Variants in ADD3 observed in about 807,000 individuals in gnomAD.
ADD3 encodes gamma-adducin.
ADD3 carries 25 observed loss-of-function variants against 80.2 expected under a neutral mutation model. The observed-to-expected ratio is 0.31, with a 90% CI of 0.23 to 0.44. The LOEUF (loss-of-function observed/expected upper bound fraction) is 0.44, where lower values mean the gene tolerates loss of function less well. Among genes scored for constraint, ADD3 ranks in the 20% least tolerant of loss-of-function variants. ADD3 has a pLI of 1.00. For synonymous variants in ADD3, 284 were observed against 289.6 expected (o/e 0.98, Z 0.20); for missense variants, 829 against 847.5 (o/e 0.98, Z 0.27).
chr10:110,132,397 G>GA lies in ADD3; in HGVS notation c.1827dup (p.Glu610ArgfsTer4). 1 of 1,604,394 alleles carries GA rather than the reference G, an allele frequency of 6.2e-7. No individual in the cohort carries two copies. The highest frequency in any genetic ancestry group is 8.5e-7 in the Non-Finnish European group (1 of 1,171,418). ...ACCGCAAAATGTCCCTGAAAAATTA[G>GA]AAGGTACTCAATGTAATTTCCCACA... On this transcript the variant is annotated frameshift_variant, in exon 14 of 15. Coordinates refer to ENST00000356080, the MANE Select transcript of ADD3 (RefSeq NM_016824.5). LOFTEE classifies it high-confidence loss of function.
intron 2 of ADD3, among the ~76,000 whole-genome samples, chr10:110,103,220 G>A (rs1849035622): frequency 6.6e-6 from 1 of 152,138 alleles, no homozygotes; most frequent in Non-Finnish European, 1.5e-5. Flanking sequence ...ATACTTGGTG[G>A]CTTGTATTAG....
chr10:110,036,786 A>G (rs1589818178), intron 1 of ADD3, among the ~76,000 whole-genome samples: 1 of 152,092 alleles, frequency 6.6e-6, no homozygotes, highest in Non-Finnish European at 1.5e-5. Context: ...AGGCATGGGG[A>G]TAGCATTTCA....
intron 2 of ADD3, among the ~76,000 whole-genome samples, chr10:110,106,390 A>C (rs74154981): frequency 0.011 from 1,609 of 152,034 alleles, 31 homozygotes; most frequent in African/African-American, 0.038. Context: ...CTGTGACTTA[A>C]GTATTTTATC....
intron 1 of ADD3, among the ~76,000 whole-genome samples, chr10:110,040,355 G>A (rs1439215402): frequency 6.6e-6 from 1 of 152,078 alleles, no homozygotes; most frequent in African/African-American, 2.4e-5. Context: ...GTGATTAATA[G>A]GCCAGCTTAC....
At chr10:110,029,372 A>G (rs558339397) in intron 1 of ADD3, among the ~76,000 whole-genome samples, 3 of 152,384 alleles carry the variant, frequency 2.0e-5, no homozygotes, top group African/African-American at 7.2e-5. Context: ...ACTTCTTGTT[A>G]TAATGCAAAT....
intron 14 of ADD3, 118 bp from the exon 15 acceptor site, chr10:110,133,208 G>T: frequency 1.0e-6 from 1 of 999,668 alleles, no homozygotes; most frequent in Non-Finnish European, 1.4e-6. Flanking sequence ...ATAATGATCT[G>T]TCTTCATTGG....
intron 13 of ADD3, among the ~76,000 whole-genome samples, chr10:110,131,315 C>T (rs1030701107): frequency 6.6e-6 from 1 of 152,162 alleles, no homozygotes; most frequent in Non-Finnish European, 1.5e-5. Context: ...TTCTTCCTAG[C>T]AGGAGTTCTC....
At chr10:109,998,872 T>A (rs1371412698) in intron 1 of ADD3, among the ~76,000 whole-genome samples, 1 of 152,180 alleles carries the variant, frequency 6.6e-6, no homozygotes, top group Admixed American at 6.5e-5. Context: ...AATGGCCTAT[T>A]TTACTTTCTT....
At chr10:110,084,274 C>A (rs1036515119) in intron 1 of ADD3, among the ~76,000 whole-genome samples, 1 of 152,132 alleles carries the variant, frequency 6.6e-6, no homozygotes, top group Non-Finnish European at 1.5e-5. Flanking sequence ...GGAAATAACA[C>A]CAACAAAATG....
At chr10:110,131,871 G>A (rs150019256) in intron 13 of ADD3, among the ~76,000 whole-genome samples, 16 of 152,248 alleles carry the variant, frequency 1.1e-4, no homozygotes, top group African/African-American at 3.9e-4. Flanking sequence ...TTATGAATTA[G>A]CTCAGTAACA....
At chr10:110,093,095 G>C (rs1847751562) in intron 1 of ADD3, among the ~76,000 whole-genome samples, 2 of 152,176 alleles carry the variant, frequency 1.3e-5, no homozygotes, top group South Asian at 4.1e-4. Context: ...CTGACCTCAA[G>C]TAATCCGCCC....
intron 1 of ADD3, among the ~76,000 whole-genome samples, chr10:110,074,175 C>CT (rs899226530): frequency 2.0e-5 from 3 of 152,010 alleles, no homozygotes; most frequent in African/African-American, 7.2e-5. Context: ...AGGAAAAGCC[C>CT]TTTTTTTTGG....
chr10:110,021,301 G>T (rs1564848311), intron 1 of ADD3, among the ~76,000 whole-genome samples: 1 of 152,120 alleles, frequency 6.6e-6, no homozygotes, highest in Non-Finnish European at 1.5e-5. Context: ...GAACAGTCTG[G>T]CTGTTCCTCA....
chr10:110,118,019 TACACACACACACACACACACACACACAC>T lies in ADD3; in HGVS notation c.568-540_568-513del, dbSNP rs148105742. 4.5e-4 allele frequency among the ~76,000 whole-genome samples: 57 copies of T among 125,686 alleles called. No individual in the cohort carries two copies. The East Asian group carries it at 6.2e-3, about 14-fold the overall frequency. The allele number at this position is 125,686 out of a possible 152,430, so 82.5% of individuals were successfully genotyped here. On this transcript the variant is annotated intron_variant, in intron 5 of 14. Coordinates refer to ENST00000356080, the MANE Select transcript of ADD3 (RefSeq NM_016824.5). ...CTACAGGGCGAGACTCTGTCTTCAA[TACACACACACACACACACACACACACAC>T]ACACACACACACACACACACACACA... is the stretch of plus-strand genomic sequence containing the variant.
chr10:110,008,996 G>C (rs975213489), intron 1 of ADD3, among the ~76,000 whole-genome samples: 1 of 152,164 alleles, frequency 6.6e-6, no homozygotes, highest in Non-Finnish European at 1.5e-5. Context: ...GGCTATTATA[G>C]CTTAGGCAAG....
rs148105742 is a variant in ADD3 at position 110,118,019 on chromosome 10, T to TACACACACAC, written c.568-522_568-513dup. 6.6e-3 allele frequency among the ~76,000 whole-genome samples: 826 copies of TACACACACAC among 125,670 alleles called. 5 individuals carry two copies. Among genetic ancestry groups the TACACACACAC allele is most frequent in the Admixed American group, 0.015 (184 of 12,068 alleles). The allele number at this position is 125,670 out of a possible 152,430, so 82.4% of individuals were successfully genotyped here. On this transcript the variant is annotated intron_variant, in intron 5 of 14. Coordinates refer to ENST00000356080, the MANE Select transcript of ADD3 (RefSeq NM_016824.5). ...CTACAGGGCGAGACTCTGTCTTCAA[T>TACACACACAC]ACACACACACACACACACACACACA...
At chr10:110,040,945 GCTCTCTCTGTCTCTCTCTGTCTCT>G (rs1856257068) in intron 1 of ADD3, among the ~76,000 whole-genome samples, 1 of 90,934 alleles carries the variant, frequency 1.1e-5, no homozygotes, top group African/African-American at 3.4e-5. Context: ...TCTCTCTCTC[GCTCTCTCTGTCTCTCTCTGTCTCT>G]CTCTCTCTCT....
At chr10:110,058,538 G>C (rs1261843746) in intron 1 of ADD3, among the ~76,000 whole-genome samples, 10 of 152,182 alleles carry the variant, frequency 6.6e-5, no homozygotes, top group East Asian at 1.9e-4. Context: ...CACGGTGATA[G>C]TACTTTGTGA....
intron 1 of ADD3, among the ~76,000 whole-genome samples, chr10:110,020,060 A>G (rs1018776186): frequency 1.3e-5 from 2 of 152,218 alleles, no homozygotes; most frequent in Non-Finnish European, 2.9e-5. Flanking sequence ...CTTTTCCCAT[A>G]AATGCTTTCC....
Sources: gnomAD v4.1 joint callset for allele counts (sites outside exome capture counted in the v4.1 genomes callset) on GRCh38, gnomAD v4.1.1 for gene constraint, MANE v1.5 for transcripts, NCBI Gene and HGNC (gene_info 2026-07-23, HGNC 2026-07-21) for gene names.